Variants in MPDZ observed in about 807,000 individuals in gnomAD.
The protein encoded by MPDZ is multiple PDZ domain crumbs cell polarity complex component.
MPDZ carries 234 observed loss-of-function variants against 239.1 expected under a neutral mutation model. The ratio of observed to expected loss-of-function variants is 0.98; its 90% CI spans 0.88 to 1.09. The LOEUF (loss-of-function observed/expected upper bound fraction) is 1.09. MPDZ is among the 50% of genes least tolerant of loss of function. The pLI is 0.00. For synonymous variants in MPDZ, 1,048 were observed against 881.3 expected (o/e 1.19, Z -3.35); for missense variants, 3,175 against 2,510.0 (o/e 1.26, Z -5.66).
intron 34 of MPDZ, 35 bp from the exon 35 acceptor site, chr9:13,125,425 T>A (rs1010658274): frequency 5.0e-6 from 8 of 1,585,242 alleles, no homozygotes; most frequent in Non-Finnish European, 6.9e-6. Context: ...GAAACAAAAT[T>A]CAAAGCTGAA....
chr9:13,241,689 C>G (rs1965440770), intron 3 of MPDZ, among the ~76,000 whole-genome samples: 1 of 152,152 alleles, frequency 6.6e-6, no homozygotes, highest in Non-Finnish European at 1.5e-5. Context: ...TAAAATAGAG[C>G]AAGAAAATGC....
At chr9:13,149,109 C>T (rs1275631945) in intron 25 of MPDZ, among the ~76,000 whole-genome samples, 1 of 151,506 alleles carries the variant, frequency 6.6e-6, no homozygotes, top group Non-Finnish European at 1.5e-5. Context: ...TAAAAGAGTT[C>T]GTTAAAAGGG....
At chr9:13,212,747 A>G (rs1005613578) in intron 10 of MPDZ, among the ~76,000 whole-genome samples, 2 of 146,812 alleles carry the variant, frequency 1.4e-5, no homozygotes, top group Admixed American at 6.9e-5. Flanking sequence ...CAGAGGCGAG[A>G]GGATCTGTCA....
In MPDZ at chr9:13,176,228, C is replaced by A; in HGVS notation, c.2839G>T (p.Glu947Ter). Residue 947 changes from glutamate to a stop codon, truncating the protein, a stop_gained, in exon 20 of 47, where the codon GAA becomes TAA. Transcript: ENST00000319217. LOFTEE classifies it high-confidence loss of function. ...GATTCAGTCCACACTATTGTGTTTTCACATTCATATTGTTGTTCAATAGCA... is the reference window on the plus strand; with the variant it reads ...GATTCAGTCCACACTATTGTGTTTTAACATTCATATTGTTGTTCAATAGCA... ...ANAIEQQYECENTIVWTESHL... is the reference protein window; with the variant it reads ...ANAIEQQYEC 6.2e-7 allele frequency: 1 copy of A among 1,604,468 alleles called. No homozygotes were observed. Among genetic ancestry groups the A allele is most frequent in the Non-Finnish European group, 8.5e-7 (1 of 1,174,744 alleles).
chr9:13,133,492 T>G (rs1946303619), intron 32 of MPDZ, among the ~76,000 whole-genome samples: 1 of 152,192 alleles, frequency 6.6e-6, no homozygotes, highest in Admixed American at 6.5e-5. Flanking sequence ...AGCAGGACCT[T>G]AGTGAAGGAA....
chr9:13,138,948 A>G (rs933468755), intron 28 of MPDZ, among the ~76,000 whole-genome samples: 5 of 152,222 alleles, frequency 3.3e-5, no homozygotes, highest in East Asian at 1.9e-4. Context: ...TTATGCCATT[A>G]CATTTTGGGG....
intron 30 of MPDZ, 108 bp from the exon 31 acceptor site, chr9:13,136,290 T>A: frequency 2.1e-6 from 1 of 480,998 alleles, no homozygotes; most frequent in Non-Finnish European, 3.5e-6. Flanking sequence ...CCCCAAAACC[T>A]GGAACTGTGA....
intron 32 of MPDZ, among the ~76,000 whole-genome samples, chr9:13,129,123 C>T (rs990513704): frequency 3.3e-5 from 5 of 152,128 alleles, no homozygotes; most frequent in Non-Finnish European, 5.9e-5. Flanking sequence ...TAGAATACTA[C>T]AAAAACAACT....
chr9:13,134,094 T>C lies in MPDZ; in HGVS notation c.4384-190A>G, dbSNP rs551305943. Reference sequence around the variant, plus strand: ...ATAATACATTTTTGCTATTTTAACATTCTATGGAATTTATGAACATTACAT... The same window carrying C: ...ATAATACATTTTTGCTATTTTAACACTCTATGGAATTTATGAACATTACAT... On this transcript the variant is annotated intron_variant, in intron 31 of 46. Coordinates refer to ENST00000319217, the MANE Select transcript of MPDZ (RefSeq NM_001378778.1). 1.4e-3 allele frequency: 336 copies of C among 241,052 alleles called. 1 individual carries two copies. Among genetic ancestry groups the C allele is most frequent in the African/African-American group, 6.5e-3 (284 of 44,014 alleles). The allele number at this position is 241,052 out of a possible 1,614,324, so 14.9% of individuals were successfully genotyped here. A position where few individuals can be genotyped will look rare whatever the true frequency, so the allele number is the denominator to read the frequency against.
At chr9:13,136,607 T>C (rs1946853176) in intron 30 of MPDZ, 105 bp downstream of exon 30, 1 of 781,072 alleles carries the variant, frequency 1.3e-6, no homozygotes, top group African/African-American at 1.8e-5. Context: ...ATTACAGGCA[T>C]GAGCCAGCAT....
chr9:13,190,238 A>C lies in MPDZ; in HGVS notation c.2030T>G (p.Met677Arg), dbSNP rs377352804. Reference protein sequence around the residue: ...SSETEDPVLAMTDAGQSTEEV... With the variant: ...SSETEDPVLARTDAGQSTEEV... ...TTCTGTACTCTGACCCGCATCAGTC[A>C]TCGCCAGCACTGGATCCTCTGTCTC... The change falls in exon 16 of 47, where the codon ATG (methionine) becomes AGG (arginine). Residue 677 changes from methionine to arginine, a missense_variant. Physicochemically the swap from Met to Arg is moderately conservative, Grantham distance 91. Coordinates refer to ENST00000319217, the MANE Select transcript of MPDZ (RefSeq NM_001378778.1). 5 of 1,612,666 alleles carry C rather than the reference A, an allele frequency of 3.1e-6. No individual in the cohort carries two copies. The highest frequency in any genetic ancestry group is 1.1e-5 in the South Asian group (1 of 90,934).
intron 12 of MPDZ, among the ~76,000 whole-genome samples, chr9:13,199,584 C>G (rs1956139038): frequency 6.6e-6 from 1 of 151,916 alleles, no homozygotes; most frequent in Non-Finnish European, 1.5e-5. Flanking sequence ...TGTTCCAGAT[C>G]TTAGAGAAAA....
chr9:13,205,448 T>A (rs923878228), intron 11 of MPDZ, among the ~76,000 whole-genome samples: 1 of 152,184 alleles, frequency 6.6e-6, no homozygotes, highest in African/African-American at 2.4e-5. Context: ...TTTGCAGACA[T>A]ATTCATGTAC....
chr9:13,173,915 T>C (rs1194261042), intron 21 of MPDZ, among the ~76,000 whole-genome samples: 1 of 152,136 alleles, frequency 6.6e-6, no homozygotes, highest in Non-Finnish European at 1.5e-5. Context: ...GCAGCAGAAG[T>C]TCTGTGTCCT....
At position 13,109,974 on chromosome 9, in the gene MPDZ, T is replaced by C. The variant is rs543382157; in HGVS notation, c.5920A>G (p.Ser1974Gly). The C allele has an allele frequency of 6.2e-7, 1 of 1,613,074 alleles. No homozygotes were observed. Among genetic ancestry groups the C allele is most frequent in the East Asian group, 2.2e-5 (1 of 44,842 alleles). Residue 1974 changes from serine to glycine, a missense_variant, in exon 45 of 47, where the codon AGT (serine) becomes GGT (glycine). Ser to Gly is a moderately conservative substitution (Grantham distance 56, BLOSUM62 0). Coordinates refer to ENST00000319217, the MANE Select transcript of MPDZ (RefSeq NM_001378778.1). ...SLSFTGLTSS[S>G]IFQDDLGPPQ... The stretch of plus-strand genomic sequence containing the variant: ...CACCCTAAATCATCCTGAAATATAC[T>C]GCTTGACGTCAGCCCAGTGAAAGAA...
intron 10 of MPDZ, among the ~76,000 whole-genome samples, chr9:13,213,649 A>G (rs1957917932): frequency 6.6e-6 from 1 of 152,110 alleles, no homozygotes; most frequent in African/African-American, 2.4e-5. Context: ...GTTTGCTAAA[A>G]ATTAAAAATC....
chr9:13,164,749 G>GAGGAAA (rs1950863140), intron 22 of MPDZ, among the ~76,000 whole-genome samples: 1 of 152,048 alleles, frequency 6.6e-6, no homozygotes, highest in African/African-American at 2.4e-5. Context: ...AAAGAGTAGA[G>GAGGAAA]ACGGTAGTTT....
At chr9:13,136,500 T>C (rs1420117893) in intron 30 of MPDZ, among the ~76,000 whole-genome samples, 1 of 150,892 alleles carries the variant, frequency 6.6e-6, no homozygotes, top group Non-Finnish European at 1.5e-5. Flanking sequence ...CCCGGCTAAT[T>C]TTTTTTTAGT....
At chr9:13,248,696 G>A (rs1019676340) in intron 2 of MPDZ, among the ~76,000 whole-genome samples, 15 of 151,492 alleles carry the variant, frequency 9.9e-5, no homozygotes, top group Non-Finnish European at 1.9e-4. Flanking sequence ...AGTGGGGCGC[G>A]GTGGCTCATG....
Sources: allele counts gnomAD v4.1 joint callset (sites outside exome capture counted in the v4.1 genomes callset), GRCh38; gene constraint gnomAD v4.1.1; transcripts MANE v1.5; gene names NCBI Gene and HGNC (gene_info 2026-07-23, HGNC 2026-07-21).